Variants in TENM2 observed in about 807,000 individuals in gnomAD.
The protein encoded by TENM2 is teneurin-2.
In TENM2, 52 loss-of-function variants were observed where a neutral mutation model predicts 245.2. The observed-to-expected ratio is 0.21, with a 90% CI of 0.17 to 0.27. TENM2 has a LOEUF of 0.27. Among genes scored for constraint, TENM2 ranks in the 10% least tolerant of loss-of-function variants. The pLI is 1.00. For synonymous variants in TENM2, 1,363 were observed against 1,438.9 expected (o/e 0.95, Z 1.19); for missense variants, 3,046 against 3,666.8 (o/e 0.83, Z 4.37).
chr5:167,003,754 A>G, the TENM2 span, among the ~76,000 whole-genome samples: 1 of 152,198 alleles, frequency 6.6e-6, no homozygotes, highest in Non-Finnish European at 1.5e-5. Context: ...AGTAAAATGT[A>G]GTGACTAAAT....
chr5:167,584,002 T>C (rs950774098), intron 2 of TENM2, among the ~76,000 whole-genome samples: 21 of 152,284 alleles, frequency 1.4e-4, no homozygotes, highest in African/African-American at 4.3e-4. Context: ...AATTAGGAGC[T>C]CCCACTCTGT....
At chr5:168,069,890 T>C (rs189721502) in intron 7 of TENM2, among the ~76,000 whole-genome samples, 3 of 152,262 alleles carry the variant, frequency 2.0e-5, no homozygotes, top group East Asian at 3.9e-4. Context: ...TTGGTAAATA[T>C]GGATCTGGCT....
At chr5:168,170,281 A>G (rs1197069640) in intron 13 of TENM2, among the ~76,000 whole-genome samples, 1 of 152,210 alleles carries the variant, frequency 6.6e-6, no homozygotes, top group Non-Finnish European at 1.5e-5. Flanking sequence ...AGGAGGGCAG[A>G]TCACTTGAGG....
At chr5:167,252,061 TG>T in the TENM2 span, among the ~76,000 whole-genome samples, 3 of 152,092 alleles carry the variant, frequency 2.0e-5, no homozygotes, top group South Asian at 6.2e-4. Context: ...GCAGGTCTTT[TG>T]GGGGGCCTAG....
chr5:167,495,249 T>A (rs200313136), intron 2 of TENM2, among the ~76,000 whole-genome samples: 8,037 of 151,754 alleles, frequency 0.053, 322 homozygotes, highest in East Asian at 0.19. Context: ...TTTTTGTTTT[T>A]TTTTTTTGCA....
At chr5:167,325,836 A>G (rs1426688886) in intron 1 of TENM2, among the ~76,000 whole-genome samples, 1 of 152,206 alleles carries the variant, frequency 6.6e-6, no homozygotes, top group Non-Finnish European at 1.5e-5. Flanking sequence ...CCCTGAACTT[A>G]TAGTCTATAG....
At chr5:167,144,978 G>A in the TENM2 span, among the ~76,000 whole-genome samples, 1 of 152,044 alleles carries the variant, frequency 6.6e-6, no homozygotes, top group Admixed American at 6.6e-5. Context: ...TTATTTCCTT[G>A]TCCTTATTAT....
chr5:167,722,531 TGAAAAA>T (rs1048528724), intron 2 of TENM2, among the ~76,000 whole-genome samples: 57 of 152,022 alleles, frequency 3.7e-4, no homozygotes, highest in Non-Finnish European at 5.1e-4. Context: ...TTGTTGAGGG[TGAAAAA>T]GAAAAAGGGA....
the TENM2 span, among the ~76,000 whole-genome samples, chr5:167,044,036 A>AGGAAGGAAG: frequency 0.088 from 11,362 of 128,464 alleles, 907 homozygotes; most frequent in Non-Finnish European, 0.11. Flanking sequence ...TAGTAAGGAC[A>AGGAAGGAAG]GAAGGAAGGA....
chr5:167,341,056 G>A (rs1252810429), intron 1 of TENM2, among the ~76,000 whole-genome samples: 3 of 151,976 alleles, frequency 2.0e-5, no homozygotes, highest in South Asian at 2.1e-4. Context: ...CTACAGATTC[G>A]CATTCGATGA....
At chr5:167,236,722 A>T in the TENM2 span, among the ~76,000 whole-genome samples, 1 of 152,180 alleles carries the variant, frequency 6.6e-6, no homozygotes, top group Admixed American at 6.5e-5. Context: ...CTAGGCAAGC[A>T]AGTTATGGAA....
chr5:167,773,298 C>T (rs1312835320), intron 2 of TENM2, among the ~76,000 whole-genome samples: 3 of 152,118 alleles, frequency 2.0e-5, no homozygotes, highest in Admixed American at 6.5e-5. Flanking sequence ...AAATCAGATG[C>T]AAACATCCCT....
At chr5:167,420,801 T>C (rs554087462) in intron 2 of TENM2, among the ~76,000 whole-genome samples, 6 of 152,326 alleles carry the variant, frequency 3.9e-5, no homozygotes, top group Admixed American at 6.5e-5. Context: ...ACCCTGTCCC[T>C]ACTGGAATAT....
chr5:167,315,348 C>T (rs1233247588), intron 1 of TENM2, among the ~76,000 whole-genome samples: 1 of 152,100 alleles, frequency 6.6e-6, no homozygotes, highest in African/African-American at 2.4e-5. Context: ...AAACAATCTG[C>T]TCCAAGAATT....
intron 2 of TENM2, among the ~76,000 whole-genome samples, chr5:167,786,854 C>T (rs1405500848): frequency 6.6e-6 from 1 of 152,194 alleles, no homozygotes; most frequent in Non-Finnish European, 1.5e-5. Context: ...AGAAGACACA[C>T]ACTGGGAATT....
At chr5:167,928,928 AG>A (rs1777983444) in intron 3 of TENM2, among the ~76,000 whole-genome samples, 1 of 141,774 alleles carries the variant, frequency 7.1e-6, no homozygotes, top group Non-Finnish European at 1.5e-5. Context: ...AGAAGAAAGA[AG>A]GAAAAAGAAA....
intron 2 of TENM2, among the ~76,000 whole-genome samples, chr5:167,861,052 TAA>T (rs397999860): frequency 0.088 from 11,754 of 133,386 alleles, 534 homozygotes; most frequent in East Asian, 0.15. Context: ...AAAAAAAAAT[TAA>T]AAAAAAAAAA....
chr5:168,256,096 G>A (rs1314680592), intron 27 of TENM2, among the ~76,000 whole-genome samples: 1 of 151,972 alleles, frequency 6.6e-6, no homozygotes, highest in African/African-American at 2.4e-5. Flanking sequence ...GAGCCACCGC[G>A]CCTGGCTAGA....
At chr5:167,883,187 A>C (rs1243160382) in intron 3 of TENM2, among the ~76,000 whole-genome samples, 2 of 152,214 alleles carry the variant, frequency 1.3e-5, no homozygotes, top group African/African-American at 4.8e-5. Flanking sequence ...CTCCACCAAC[A>C]CAAACCTGGG....
Sources: gnomAD v4.1 joint callset for allele counts (sites outside exome capture counted in the v4.1 genomes callset) on GRCh38, gnomAD v4.1.1 for gene constraint, MANE v1.5 for transcripts, NCBI Gene and HGNC (gene_info 2026-07-23, HGNC 2026-07-21) for gene names.